Variants in FRMPD4 observed in about 807,000 individuals in gnomAD.
FRMPD4 encodes the protein FERM and PDZ domain containing 4, also known as FERM and PDZ domain-containing protein 4.
In FRMPD4, 22 loss-of-function variants were observed where a neutral mutation model predicts 94.1. The observed-to-expected ratio is 0.23, with a 90% confidence interval of 0.17 to 0.33. The LOEUF is 0.33. Among genes scored for constraint, FRMPD4 ranks in the 10% least tolerant of loss-of-function variants. FRMPD4 has a pLI of 1.00. For synonymous variants in FRMPD4, 631 were observed against 548.6 expected (o/e 1.15, Z -2.10); for missense variants, 1,111 against 1,339.9 (o/e 0.83, Z 2.67).
intron 1 of FRMPD4, among the ~76,000 whole-genome samples, chrX:12,219,772 T>C (rs1323436294): frequency 3.6e-5 from 4 of 112,026 alleles, no homozygotes; most frequent in African/African-American, 9.7e-5. Context: ...TACCAGGCCC[T>C]CTATTGAGGC....
intron 1 of FRMPD4, among the ~76,000 whole-genome samples, chrX:12,474,550 T>A (rs1036827869): frequency 9.0e-6 from 1 of 110,903 alleles, no homozygotes; most frequent in East Asian, 2.8e-4. Context: ...TCAACAAAAC[T>A]GATAGACCAC....
rs756564639 is a variant in FRMPD4, at chrX:12,688,370, G to A, written c.682-1825G>A. Among the ~76,000 whole-genome samples, 9 of 111,996 alleles carry A rather than the reference G, an allele frequency of 8.0e-5. No homozygotes were observed. In the South Asian group the frequency reaches 3.4e-3, roughly 42 times the overall value. ...CCATTCCCTCCAGCCTCTTTATTAC[G>A]GAACATATGCAAGACTAAGTTTGAT... On this transcript the variant is annotated intron_variant, in intron 7 of 16. Transcript: ENST00000675598.
At chrX:12,288,110 C>G (rs1411914109) in intron 1 of FRMPD4, among the ~76,000 whole-genome samples, 1 of 112,118 alleles carries the variant, frequency 8.9e-6, no homozygotes, top group Admixed American at 9.4e-5. Context: ...TCTCTTAAGA[C>G]TTCTTCTGGC....
At chrX:12,604,429 T>C (rs2059111751) in intron 2 of FRMPD4, among the ~76,000 whole-genome samples, 1 of 112,342 alleles carries the variant, frequency 8.9e-6, no homozygotes, top group Non-Finnish European at 1.9e-5. Context: ...CTTGTGTATA[T>C]CAATGTATGT....
intron 3 of FRMPD4, among the ~76,000 whole-genome samples, chrX:11,998,192 A>G (rs970820862): frequency 7.2e-5 from 8 of 111,755 alleles, no homozygotes; most frequent in Non-Finnish European, 1.3e-4. Context: ...GGCCGCAATC[A>G]ATGTTACTTA....
At chrX:12,240,404 CT>C (rs749359769) in intron 1 of FRMPD4, among the ~76,000 whole-genome samples, 230 of 112,179 alleles carry the variant, frequency 2.1e-3, no homozygotes, top group African/African-American at 6.6e-3. Flanking sequence ...TAAATGCAGT[CT>C]AGTAAAGTGA....
At chrX:12,012,335 A>G (rs1855243812) in intron 3 of FRMPD4, among the ~76,000 whole-genome samples, 1 of 112,064 alleles carries the variant, frequency 8.9e-6, no homozygotes, top group Non-Finnish European at 1.9e-5. Context: ...GTCTTTCACC[A>G]TTAAGTATGA....
At chrX:12,273,991 T>C (rs1025686310) in intron 1 of FRMPD4, among the ~76,000 whole-genome samples, 2 of 112,248 alleles carry the variant, frequency 1.8e-5, no homozygotes, top group African/African-American at 6.5e-5. Flanking sequence ...TCATAAAATT[T>C]CACTCATGTA....
intron 3 of FRMPD4, among the ~76,000 whole-genome samples, chrX:11,894,820 C>T (rs932543672): frequency 8.9e-5 from 10 of 111,958 alleles, no homozygotes; most frequent in Admixed American, 3.8e-4. Flanking sequence ...GTCTAGGAAC[C>T]ACACGTGGCT....
At chrX:12,700,874 A>T (rs2060181461) in intron 9 of FRMPD4, among the ~76,000 whole-genome samples, 2 of 111,208 alleles carry the variant, frequency 1.8e-5, no homozygotes, top group Non-Finnish European at 3.8e-5. Context: ...GGAAAGGCAG[A>T]ACGCCAGAAC....
chrX:11,944,990 A>G (rs1370767507), intron 3 of FRMPD4, among the ~76,000 whole-genome samples: 1 of 112,264 alleles, frequency 8.9e-6, no homozygotes, highest in Non-Finnish European at 1.9e-5. Flanking sequence ...ACATGACTGC[A>G]CGTTGTGATC....
intron 2 of FRMPD4, among the ~76,000 whole-genome samples, chrX:12,575,774 C>T (rs2058806013): frequency 9.0e-6 from 1 of 111,494 alleles, no homozygotes; most frequent in Non-Finnish European, 1.9e-5. Context: ...GTGAAAAAGA[C>T]TTGATGGGCC....
intron 1 of FRMPD4, among the ~76,000 whole-genome samples, chrX:12,289,687 C>T (rs143284130): frequency 0.011 from 1,265 of 111,154 alleles, 17 homozygotes; most frequent in African/African-American, 0.039. Flanking sequence ...GTTTCTGACC[C>T]GGCCCACCAT....
intron 2 of FRMPD4, among the ~76,000 whole-genome samples, chrX:12,608,318 C>A (rs983583606): frequency 1.1e-4 from 12 of 112,595 alleles, no homozygotes; most frequent in Non-Finnish European, 1.9e-4. Flanking sequence ...TTGGTAAAAT[C>A]CACAAAATAA....
chrX:11,901,810 T>C (rs982193684), intron 3 of FRMPD4, among the ~76,000 whole-genome samples: 2 of 111,876 alleles, frequency 1.8e-5, no homozygotes, highest in Non-Finnish European at 3.8e-5. Context: ...AGTAAAGTGG[T>C]ATCTCATTGT....
intron 3 of FRMPD4, among the ~76,000 whole-genome samples, chrX:12,040,333 C>CT (rs2054746351): frequency 1.0e-5 from 1 of 96,995 alleles, no homozygotes; most frequent in Non-Finnish European, 2.1e-5. Context: ...TAAAATCTGT[C>CT]TTTTTTTCTA....
At chrX:12,565,340 A>AAT (rs369262499) in intron 2 of FRMPD4, among the ~76,000 whole-genome samples, 18 of 111,383 alleles carry the variant, frequency 1.6e-4, no homozygotes, top group African/African-American at 5.9e-4. Context: ...AGGGGTAAAA[A>AAT]ATATATATAG....
chrX:12,267,361 AT>A (rs1027347203), intron 1 of FRMPD4, among the ~76,000 whole-genome samples: 15 of 112,198 alleles, frequency 1.3e-4, no homozygotes, highest in Non-Finnish European at 2.3e-4. Flanking sequence ...TTGACAGCCA[AT>A]TTTCCCCCTT....
chrX:12,155,213 AT>A (rs1368471732), intron 1 of FRMPD4, among the ~76,000 whole-genome samples: 1 of 111,712 alleles, frequency 9.0e-6, no homozygotes, highest in Non-Finnish European at 1.9e-5. Flanking sequence ...TAATAATTTC[AT>A]TTTTATTCAG....
Sources: allele counts gnomAD v4.1 joint callset (sites outside exome capture counted in the v4.1 genomes callset), GRCh38; gene constraint gnomAD v4.1.1; transcripts MANE v1.5; gene names NCBI Gene and HGNC (gene_info 2026-07-23, HGNC 2026-07-21).